SYNE2: variants seen among roughly 807,000 people sequenced by gnomAD.
SYNE2 encodes the protein spectrin repeat containing nuclear envelope protein 2.
A neutral mutation model predicts 856.3 loss-of-function variants in SYNE2; 431 were observed. The ratio of observed to expected loss-of-function variants is 0.50; its 90% CI spans 0.47 to 0.55. The LOEUF is 0.55. Ranked by LOEUF, SYNE2 falls within the 20% of genes least tolerant of loss-of-function variation. The pLI, the probability that SYNE2 is intolerant of heterozygous loss-of-function variation, is 0.00. For synonymous variants in SYNE2, 2,923 were observed against 2,872.3 expected, an observed-to-expected ratio of 1.02 and a Z score of -0.56; for missense variants, 8,129 against 8,023.2, an observed-to-expected ratio of 1.01 and a Z score of -0.50.
Position 64,055,708 on chromosome 14 carries a change from A to G in SYNE2, c.9745-236A>G, listed in dbSNP as rs557108645. Reference sequence around the variant, plus strand: ...AATACAATGTTATTTGCTTAAAAATAATAGTGTAATATTGTCAAACTGTAA... The same window carrying G: ...AATACAATGTTATTTGCTTAAAAATGATAGTGTAATATTGTCAAACTGTAA... On this transcript the variant is annotated intron_variant, in intron 48 of 115. Coordinates refer to ENST00000555002, the MANE Select transcript of SYNE2 (RefSeq NM_182914.3). Among the ~76,000 whole-genome samples, 6 of 152,290 alleles carry G rather than the reference A, an allele frequency of 3.9e-5. No individual in the cohort carries two copies. In the South Asian group the frequency reaches 8.3e-4, roughly 21 times the overall value.
chr14:63,851,030 T>C (rs1890396308), upstream of SYNE2, among the ~76,000 whole-genome samples: 1 of 152,100 alleles, frequency 6.6e-6, no homozygotes, highest in South Asian at 2.1e-4. Context: ...CTCTCCAGCT[T>C]GCAACTCTCC....
At chr14:64,100,756 TC>T (rs1489544908) in intron 63 of SYNE2, among the ~76,000 whole-genome samples, 1 of 151,144 alleles carries the variant, frequency 6.6e-6, no homozygotes, top group African/African-American at 2.4e-5. Flanking sequence ...ATACAAAAGA[TC>T]CCTTGAACTT....
chr14:64,156,181 T>C (rs2153708949), intron 85 of SYNE2, among the ~76,000 whole-genome samples: 1 of 152,332 alleles, frequency 6.6e-6, no homozygotes, highest in South Asian at 2.1e-4. Flanking sequence ...TCAAACCTCA[T>C]GTACTGTGTC....
chr14:64,020,909 A>G (rs889235905), intron 35 of SYNE2, among the ~76,000 whole-genome samples: 2 of 152,200 alleles, frequency 1.3e-5, no homozygotes, highest in African/African-American at 4.8e-5. Flanking sequence ...TTAAGCCTGT[A>G]TTTTGTACAC....
intron 29 of SYNE2, among the ~76,000 whole-genome samples, chr14:64,002,373 T>A (rs987319168): frequency 6.6e-6 from 1 of 152,232 alleles, no homozygotes; most frequent in African/African-American, 2.4e-5. Flanking sequence ...ACGAGACTCA[T>A]GCTTAAATGC....
At chr14:63,883,471 A>G (rs1046053859) in intron 1 of SYNE2, among the ~76,000 whole-genome samples, 1 of 151,946 alleles carries the variant, frequency 6.6e-6, no homozygotes, top group African/African-American at 2.4e-5. Flanking sequence ...ATCCTACCTC[A>G]GCCTCCCAGG....
At chr14:63,853,349 C>G (rs2139992443) in intron 1 of SYNE2, among the ~76,000 whole-genome samples, 1 of 151,914 alleles carries the variant, frequency 6.6e-6, no homozygotes, top group African/African-American at 2.4e-5. Flanking sequence ...GCGGAGGGCG[C>G]CGTAAACTTG....
intron 1 of SYNE2, among the ~76,000 whole-genome samples, chr14:63,899,557 C>G (rs1333179752): frequency 6.6e-6 from 1 of 150,862 alleles, no homozygotes; most frequent in African/African-American, 2.4e-5. Context: ...GCTGGAGTGC[C>G]GTGGCGCAAT....
chr14:63,777,998 A>T (rs1462857251), intron 1 of SYNE2, among the ~76,000 whole-genome samples: 1 of 152,074 alleles, frequency 6.6e-6, no homozygotes, highest in Non-Finnish European at 1.5e-5. Context: ...CTAACTACAC[A>T]TGAAAAAACA....
At chr14:63,950,515 A>G (rs1372378381) in intron 7 of SYNE2, among the ~76,000 whole-genome samples, 7 of 152,118 alleles carry the variant, frequency 4.6e-5, no homozygotes, top group Admixed American at 2.6e-4. Context: ...AGATCAAGCT[A>G]TTTCACTCCA....
chr14:64,138,929 T>TGG (rs1567428180), intron 79 of SYNE2, among the ~76,000 whole-genome samples: 2 of 145,264 alleles, frequency 1.4e-5, no homozygotes, highest in Admixed American at 6.8e-5. Context: ...TGTGTGTGTG[T>TGG]GTGTGTGTGT....
At chr14:63,776,600 CTT>C (rs35847392) in intron 1 of SYNE2, among the ~76,000 whole-genome samples, 21 of 133,410 alleles carry the variant, frequency 1.6e-4, no homozygotes, top group African/African-American at 2.2e-4. Flanking sequence ...TTCTTTCTTT[CTT>C]TTTTTTTTTT....
Position 64,215,550 on chromosome 14 carries a change from G to A in SYNE2, c.19402+196G>A, listed in dbSNP as rs2098662398. 4.6e-6 allele frequency: 3 copies of A among 658,410 alleles called. No individual in the cohort carries two copies. In the South Asian group the frequency reaches 5.2e-5, roughly 11 times the overall value. 40.8% of individuals were successfully genotyped at this position (658,410 alleles called of 1,614,324 possible). A position where few individuals can be genotyped will look rare whatever the true frequency, so the allele number is the denominator to read the frequency against. On this transcript the variant is annotated intron_variant, in intron 107 of 115. Transcript: ENST00000555002. ...CTTACAAAACCCCATCCAAGCCAGA[G>A]CCGTCTCGATGCCAACCCCCTCTCC...
At chr14:64,038,039 C>T (rs2097111430) in intron 45 of SYNE2, among the ~76,000 whole-genome samples, 1 of 142,444 alleles carries the variant, frequency 7.0e-6, no homozygotes, top group Non-Finnish European at 1.6e-5. Context: ...CTCCTCACTT[C>T]TCAGACGGGG....
chr14:64,139,956 G>A lies in SYNE2; in HGVS notation c.14859G>A (p.Ser4953=), dbSNP rs577427008. The part of the protein sequence containing the change: ...LKHLLSYNRD[S]DQLTKWLESS... ...CTCCTGTTAGTTATAACAGAGATTC[G>A]GATCAGTTAACCAAGTGGTTGGAAT... The change falls in exon 80 of 116, where the codon TCG becomes TCA. Residue 4953 remains serine, a synonymous_variant. Coordinates refer to ENST00000555002, the MANE Select transcript of SYNE2 (RefSeq NM_182914.3). 7 of 1,613,962 alleles carry A rather than the reference G, an allele frequency of 4.3e-6. No individual in the cohort carries two copies. Among genetic ancestry groups the A allele is most frequent in the East Asian group, 4.5e-5 (2 of 44,854 alleles).
chr14:63,802,686 T>A (rs1281747457), intron 1 of SYNE2, among the ~76,000 whole-genome samples: 1 of 152,146 alleles, frequency 6.6e-6, no homozygotes, highest in Non-Finnish European at 1.5e-5. Context: ...GAGAATTACA[T>A]CTCTTAACGT....
rs1215475161 is a variant in SYNE2, at chr14:64,027,648, A to G, written c.6569A>G (p.Lys2190Arg). 6 of 1,614,060 alleles carry G rather than the reference A, an allele frequency of 3.7e-6. No individual in the cohort carries two copies. In the African/African-American group the frequency reaches 6.7e-5, roughly 18 times the overall value. Residue 2190 changes from lysine (K) to arginine (R), a missense_variant, in exon 43 of 116, where the codon AAG (lysine) becomes AGG (arginine). Lys to Arg is a conservative substitution (Grantham distance 26). This residue lies in a region of SYNE2 where 297 missense variants were observed against 380.9 expected (regional missense o/e 0.78). Transcript: ENST00000555002. ...TTAAAGATTTATAAGAAATTCCTCA[A>G]GAAAGCCCAAGATTTGACATCCTTG... ...AQLKIYKKFL[K>R]KAQDLTSLLK...
intron 113 of SYNE2, among the ~76,000 whole-genome samples, chr14:64,223,730 T>A (rs1288156305): frequency 6.6e-6 from 1 of 152,204 alleles, no homozygotes; most frequent in Non-Finnish European, 1.5e-5. Flanking sequence ...ATTACAGGCA[T>A]GAGCCACCAT....
At chr14:64,182,337 G>GC (rs2098461821) in intron 96 of SYNE2, among the ~76,000 whole-genome samples, 1 of 151,902 alleles carries the variant, frequency 6.6e-6, no homozygotes, top group South Asian at 2.1e-4. Flanking sequence ...CAGTTTGGTT[G>GC]CAAGTCTGGG....
Sources: allele counts gnomAD v4.1 joint callset (sites outside exome capture counted in the v4.1 genomes callset), GRCh38; gene constraint gnomAD v4.1.1; regional missense constraint gnomAD v4.1.1; transcripts MANE v1.5; gene names NCBI Gene and HGNC (gene_info 2026-07-23, HGNC 2026-07-21).